Variants in DCC observed in about 807,000 individuals in gnomAD.
DCC encodes netrin receptor DCC.
Under a neutral mutation model 172.5 loss-of-function variants are expected in DCC, and 58 were observed. The ratio of observed to expected loss-of-function variants is 0.34; its 90% confidence interval spans 0.27 to 0.42. The LOEUF is 0.42. Ranked by LOEUF, DCC falls within the 10% of genes least tolerant of loss-of-function variation. DCC has a pLI of 1.00. For synonymous variants in DCC, 709 were observed against 644.5 expected (o/e 1.10, Z -1.52); for missense variants, 1,740 against 1,791.0 (o/e 0.97, Z 0.51).
intron 1 of DCC, among the ~76,000 whole-genome samples, chr18:52,676,886 T>A (rs1215642307): frequency 6.6e-6 from 1 of 152,216 alleles, no homozygotes; most frequent in Non-Finnish European, 1.5e-5. Context: ...TGTCTTGAAT[T>A]GAAATCACTT....
At chr18:53,205,754 T>C (rs1324432763) in intron 10 of DCC, among the ~76,000 whole-genome samples, 1 of 152,092 alleles carries the variant, frequency 6.6e-6, no homozygotes, top group Non-Finnish European at 1.5e-5. Flanking sequence ...AACTGCTTTT[T>C]TCATTCTAAG....
intron 2 of DCC, among the ~76,000 whole-genome samples, chr18:52,801,548 C>T (rs1218910545): frequency 1.3e-5 from 2 of 152,106 alleles, no homozygotes; most frequent in Admixed American, 6.6e-5. Flanking sequence ...AAATGCAAGA[C>T]AAAATAATAA....
In DCC at chr18:53,452,889, GGGTTT is replaced by G. The variant is rs1568141491; in HGVS notation, c.3392+2229_3392+2233del. ...GTTATTTCTGAACTATAGTTTAGTG[GGGTTT>G]GTTTGTTTGTTTGTTTGTTTGTTTG... On this transcript the variant is annotated intron_variant, in intron 23 of 28. Transcript: ENST00000442544. 5.0e-4 allele frequency among the ~76,000 whole-genome samples: 70 copies of G among 138,818 alleles called. 1 individual carries two copies. Among genetic ancestry groups the G allele is most frequent in the African/African-American group, 1.9e-3 (67 of 36,042 alleles). 91.1% of individuals were successfully genotyped at this position (138,818 alleles called of 152,430 possible).
chr18:53,380,446 C>A (rs1051053725), intron 15 of DCC, among the ~76,000 whole-genome samples: 1 of 152,086 alleles, frequency 6.6e-6, no homozygotes, highest in Admixed American at 6.6e-5. Flanking sequence ...AATAAATGTA[C>A]AATATTTTCT....
chr18:52,838,763 T>C (rs957496050), intron 2 of DCC, among the ~76,000 whole-genome samples: 3 of 152,306 alleles, frequency 2.0e-5, no homozygotes, highest in African/African-American at 7.2e-5. Context: ...ATTTTATAAA[T>C]GGCCAATGAG....
chr18:52,368,141 C>T (rs1001264092), intron 1 of DCC, among the ~76,000 whole-genome samples: 1 of 152,226 alleles, frequency 6.6e-6, no homozygotes, highest in African/African-American at 2.4e-5. Context: ...TGCAGCTGTA[C>T]ACCCTGTGGC....
rs770122875 is a variant in DCC at position 53,321,398 on chromosome 18, A to T, written c.2054-649A>T. Among the ~76,000 whole-genome samples, 6 of 152,276 alleles carry T rather than the reference A, an allele frequency of 3.9e-5. No homozygotes were observed. In the East Asian group the frequency reaches 7.7e-4, roughly 20 times the overall value. On this transcript the variant is annotated intron_variant, in intron 13 of 28. Coordinates refer to ENST00000442544, the MANE Select transcript of DCC (RefSeq NM_005215.4). ...CTTACATCAAAAATTTTCATATATC[A>T]GATAAATGATCCATGTGGTCTCTCT...
rs547253621 is a variant in DCC at position 52,781,870 on chromosome 18, G to GTTTT, written c.412+29501_412+29504dup. Among the ~76,000 whole-genome samples the GTTTT allele has an allele frequency of 2.6e-5, 4 of 151,786 alleles. No individual in the cohort carries two copies. In the East Asian group the frequency reaches 5.8e-4, roughly 22 times the overall value. ...AGAAGAACAAAGCTTATATTACTTT[G>GTTTT]TTTTTTTTATACTACCAGGGCATAT... is the stretch of plus-strand genomic sequence containing the variant. On this transcript the variant is annotated intron_variant, in intron 2 of 28. Transcript: ENST00000442544.
At position 53,443,607 on chromosome 18, in the gene DCC, T is replaced by C. The variant is rs184524779; in HGVS notation, c.3230-6893T>C. Among the ~76,000 whole-genome samples, 1,100 of 152,338 alleles carry C rather than the reference T, an allele frequency of 7.2e-3. 17 individuals carry two copies. Among genetic ancestry groups the C allele is most frequent in the Admixed American group, 0.027 (409 of 15,308 alleles). On this transcript the variant is annotated intron_variant, in intron 22 of 28. Coordinates refer to ENST00000442544, the MANE Select transcript of DCC (RefSeq NM_005215.4). ...TTCAAGTCTTATTATTTAAGAAAGA[T>C]ATTTCATAGATATGTCTTCCAGCTG...
chr18:52,430,626 A>C (rs942520165), intron 1 of DCC, among the ~76,000 whole-genome samples: 7 of 152,148 alleles, frequency 4.6e-5, no homozygotes, highest in African/African-American at 1.7e-4. Flanking sequence ...CTCATTTCTT[A>C]CATACATACA....
At chr18:52,443,505 A>G (rs1188749345) in intron 1 of DCC, among the ~76,000 whole-genome samples, 2 of 152,106 alleles carry the variant, frequency 1.3e-5, no homozygotes, top group Non-Finnish European at 2.9e-5. Context: ...CTCGATAAAG[A>G]CTCTCCTTGG....
intron 15 of DCC, among the ~76,000 whole-genome samples, chr18:53,378,296 G>A (rs62098049): frequency 0.3 from 45,243 of 151,916 alleles, 8,631 homozygotes; most frequent in Non-Finnish European, 0.44. Context: ...TTATTAAAAG[G>A]TTCATTAGGG....
At chr18:52,985,720 A>T (rs1350443741) in intron 5 of DCC, among the ~76,000 whole-genome samples, 1 of 151,760 alleles carries the variant, frequency 6.6e-6, no homozygotes, top group Non-Finnish European at 1.5e-5. Context: ...TCCTGGATTA[A>T]TTCTCTATGT....
Position 53,397,388 on chromosome 18 carries a change from A to T in DCC, c.2769A>T (p.Thr923=), listed in dbSNP as rs561245508. Residue 923 remains threonine (T), a synonymous_variant, in exon 18 of 29, where the codon ACA becomes ACT. Transcript: ENST00000442544. ...NTMYEFSVMV[T]KNRRSSTWSM... Reference sequence around the variant, plus strand: ...TGTATGAATTCTCGGTCATGGTAACAAAAAACAGAAGGTCCAGTACTTGGA... The same window carrying T: ...TGTATGAATTCTCGGTCATGGTAACTAAAAACAGAAGGTCCAGTACTTGGA... The T allele has an allele frequency of 1.2e-6, 2 of 1,614,012 alleles. No homozygotes were observed. Among genetic ancestry groups the T allele is most frequent in the South Asian group, 2.2e-5 (2 of 91,070 alleles).
At chr18:53,318,866 G>C (rs754271085) in intron 13 of DCC, among the ~76,000 whole-genome samples, 1 of 151,388 alleles carries the variant, frequency 6.6e-6, no homozygotes, top group Non-Finnish European at 1.5e-5. Context: ...CAGAGAGGAA[G>C]GTCAAGTTAT....
intron 12 of DCC, among the ~76,000 whole-genome samples, chr18:53,290,912 T>TA (rs1478112000): frequency 6.6e-6 from 1 of 152,186 alleles, no homozygotes; most frequent in Non-Finnish European, 1.5e-5. Flanking sequence ...CTCACACCTG[T>TA]AATCCCAGCA....
At chr18:52,952,729 G>T (rs2040671875) in intron 5 of DCC, among the ~76,000 whole-genome samples, 1 of 152,042 alleles carries the variant, frequency 6.6e-6, no homozygotes, top group African/African-American at 2.4e-5. Context: ...GCTGGGCATG[G>T]TTGTTCGTGC....
chr18:53,043,708 C>A (rs2042200024), intron 5 of DCC, among the ~76,000 whole-genome samples: 1 of 151,896 alleles, frequency 6.6e-6, no homozygotes, highest in East Asian at 1.9e-4. Flanking sequence ...AATGTGACAT[C>A]ACTGAATGGC....
intron 12 of DCC, among the ~76,000 whole-genome samples, chr18:53,258,635 T>C (rs1338395550): frequency 1.3e-5 from 2 of 152,224 alleles, no homozygotes; most frequent in Admixed American, 6.5e-5. Flanking sequence ...CTTCCAACTA[T>C]GTGGTCAGTT....
Sources: allele counts gnomAD v4.1 joint callset (sites outside exome capture counted in the v4.1 genomes callset), GRCh38; gene constraint gnomAD v4.1.1; transcripts MANE v1.5; gene names NCBI Gene and HGNC (gene_info 2026-07-23, HGNC 2026-07-21).